The following EXT1 variants were observed in gnomAD, a reference collection of about 807,000 sequenced individuals.
EXT1 encodes exostosin-1.
In EXT1, 20 loss-of-function variants were observed where a neutral mutation model predicts 82.5. The ratio of observed to expected loss-of-function variants is 0.24; its 90% CI spans 0.17 to 0.35. The LOEUF is 0.35. Ranked by LOEUF, EXT1 falls within the 10% of genes least tolerant of loss-of-function variation. The pLI is 1.00. For missense variants in EXT1, 757 were observed against 936.5 expected, an observed-to-expected ratio of 0.81 and a Z score of 2.50; for synonymous variants, 348 against 350.8, an observed-to-expected ratio of 0.99 and a Z score of 0.09.
intron 1 of EXT1, among the ~76,000 whole-genome samples, chr8:118,044,756 C>T (rs1371317139): frequency 2.0e-5 from 3 of 152,194 alleles, no homozygotes; most frequent in East Asian, 1.9e-4. Flanking sequence ...CCAGGCTGGT[C>T]GAAAACTCGT....
At chr8:117,912,782 T>C (rs1272862939) in intron 1 of EXT1, among the ~76,000 whole-genome samples, 1 of 152,218 alleles carries the variant, frequency 6.6e-6, no homozygotes, top group Non-Finnish European at 1.5e-5. Context: ...AAGAAAAATT[T>C]CTTCCCACAA....
intron 1 of EXT1, among the ~76,000 whole-genome samples, chr8:117,978,520 G>GAA (rs920927618): frequency 2.7e-5 from 4 of 146,844 alleles, no homozygotes; most frequent in African/African-American, 1.0e-4. Flanking sequence ...CTAAATTAAT[G>GAA]AAAAAAAAAA....
chr8:118,057,975 GAAAAAAAA>G (rs1173695009), intron 1 of EXT1, among the ~76,000 whole-genome samples: 3 of 59,366 alleles, frequency 5.1e-5, no homozygotes, highest in Non-Finnish European at 7.4e-5. Flanking sequence ...CATCTCAAAA[GAAAAAAAA>G]AAAAAAAAAG....
At chr8:117,819,368 A>AAT (rs1018402815) in intron 6 of EXT1, among the ~76,000 whole-genome samples, 7 of 152,202 alleles carry the variant, frequency 4.6e-5, no homozygotes, top group African/African-American at 1.7e-4. Context: ...TGACATTTAA[A>AAT]AACAAAATCA....
intron 1 of EXT1, among the ~76,000 whole-genome samples, chr8:118,092,938 G>T (rs1321459984): frequency 6.6e-6 from 1 of 152,122 alleles, no homozygotes; most frequent in Non-Finnish European, 1.5e-5. Flanking sequence ...AACTGAGAAA[G>T]CTCCCAGGCC....
intron 1 of EXT1, among the ~76,000 whole-genome samples, chr8:117,990,930 C>T (rs1815418763): frequency 1.3e-5 from 2 of 152,142 alleles, no homozygotes; most frequent in Non-Finnish European, 2.9e-5. Context: ...ACACAAGAGC[C>T]TATGCAGCCA....
At chr8:118,107,388 G>GA (rs1292225629) in intron 1 of EXT1, among the ~76,000 whole-genome samples, 1 of 152,114 alleles carries the variant, frequency 6.6e-6, no homozygotes, top group Non-Finnish European at 1.5e-5. Flanking sequence ...GAAGCAGTCT[G>GA]AAACCCACTC....
chr8:117,907,541 C>T (rs933318251), intron 1 of EXT1, among the ~76,000 whole-genome samples: 5 of 152,160 alleles, frequency 3.3e-5, no homozygotes, highest in African/African-American at 1.2e-4. Flanking sequence ...AGCACGCTAA[C>T]ACTTTCAGTA....
At chr8:117,906,444 T>G (rs1389380836) in intron 1 of EXT1, among the ~76,000 whole-genome samples, 1 of 152,208 alleles carries the variant, frequency 6.6e-6, no homozygotes, top group South Asian at 2.1e-4. Context: ...AGAATTCTTC[T>G]AACACAGCAG....
intron 1 of EXT1, among the ~76,000 whole-genome samples, chr8:117,858,561 C>T (rs1175892483): frequency 6.6e-6 from 1 of 151,856 alleles, no homozygotes; most frequent in Non-Finnish European, 1.5e-5. Context: ...GCCTGTAGTT[C>T]CAGCTACCTT....
intron 1 of EXT1, among the ~76,000 whole-genome samples, chr8:118,089,745 T>A (rs1817489132): frequency 6.6e-6 from 1 of 152,194 alleles, no homozygotes; most frequent in South Asian, 2.1e-4. Flanking sequence ...AGATGAAAAC[T>A]CTTATGTGCT....
At chr8:117,922,782 C>T (rs1193319658) in intron 1 of EXT1, among the ~76,000 whole-genome samples, 1 of 152,172 alleles carries the variant, frequency 6.6e-6, no homozygotes, top group Non-Finnish European at 1.5e-5. Context: ...CCAGCCCAGT[C>T]CTAACCATTA....
intron 1 of EXT1, among the ~76,000 whole-genome samples, chr8:117,984,552 G>A (rs17431152): frequency 0.02 from 3,004 of 152,316 alleles, 39 homozygotes; most frequent in African/African-American, 0.031. Flanking sequence ...CTTGGGAAGA[G>A]TGGTCCAGAC....
chr8:118,045,288 ATCAC>A, intron 1 of EXT1, among the ~76,000 whole-genome samples: 1 of 152,324 alleles, frequency 6.6e-6, no homozygotes, highest in African/African-American at 2.4e-5. Flanking sequence ...AAACTGCCCC[ATCAC>A]TCAAACAGCA....
At chr8:117,970,327 G>A (rs372208692) in intron 1 of EXT1, among the ~76,000 whole-genome samples, 13 of 147,238 alleles carry the variant, frequency 8.8e-5, no homozygotes, top group East Asian at 2.0e-4. Context: ...TTTTTGACAC[G>A]GAGTCTCACT....
chr8:118,059,381 G>A (rs1333067919), intron 1 of EXT1, among the ~76,000 whole-genome samples: 2 of 152,196 alleles, frequency 1.3e-5, no homozygotes, highest in Non-Finnish European at 2.9e-5. Context: ...AAGTGAACCT[G>A]AAAACAGGCC....
At chr8:118,049,985 T>C (rs1466565663) in intron 1 of EXT1, among the ~76,000 whole-genome samples, 1 of 152,148 alleles carries the variant, frequency 6.6e-6, no homozygotes, top group Admixed American at 6.5e-5. Flanking sequence ...TTCCCCCAAA[T>C]GATGATTGCC....
At chr8:117,848,893 C>A (rs1032009951) in intron 1 of EXT1, among the ~76,000 whole-genome samples, 4 of 152,190 alleles carry the variant, frequency 2.6e-5, no homozygotes, top group South Asian at 2.1e-4. Flanking sequence ...GTCACCCCCC[C>A]AGTCTGAACA....
At chr8:117,863,419 T>TC (rs1812720251) in intron 1 of EXT1, among the ~76,000 whole-genome samples, 1 of 111,352 alleles carries the variant, frequency 9.0e-6, no homozygotes, top group African/African-American at 2.6e-5. Flanking sequence ...AGGTTTTTTT[T>TC]TTTTTTTGGC....
Sources: allele counts gnomAD v4.1 joint callset (sites outside exome capture counted in the v4.1 genomes callset), GRCh38; gene constraint gnomAD v4.1.1; transcripts MANE v1.5; gene names NCBI Gene and HGNC (gene_info 2026-07-23, HGNC 2026-07-21).